Variants in MGAT4A observed in about 807,000 individuals in gnomAD.
The protein encoded by MGAT4A is N-acetylglucosaminyltransferase IVa.
In MGAT4A, 33 loss-of-function variants were observed where a neutral mutation model predicts 74.1. That is an observed-to-expected ratio of 0.45 (90% CI 0.34 to 0.60). The LOEUF is 0.60. Ranked by LOEUF, MGAT4A falls within the 20% of genes least tolerant of loss-of-function variation. The probability of loss-of-function intolerance (pLI) is 0.02; values close to 1 mark genes in which losing one functional copy is unlikely to be tolerated. For synonymous variants in MGAT4A, 198 were observed against 210.4 expected (o/e 0.94, Z 0.51); for missense variants, 479 against 628.3 (o/e 0.76, Z 2.54).
rs1296959491 is a variant in MGAT4A, at chr2:98,621,301, A to T, written c.*4265T>A. ...AGATGAATGCCTTTCCAAGCCTATG[A>T]ATGAGCTTATGGGCTGAATTCAGTT... is the stretch of plus-strand genomic sequence containing the variant. On this transcript the variant is annotated 3_prime_UTR_variant, in exon 16 of 16. Transcript: ENST00000393487. 7.3e-7 allele frequency: 1 copy of T among 1,378,586 alleles called. No individual in the cohort carries two copies. The highest frequency in any genetic ancestry group is 2.9e-5 in the Admixed American group (1 of 34,446). 85.4% of individuals were successfully genotyped at this position (1,378,586 alleles called of 1,614,324 possible).
chr2:98,699,469 T>C (rs960435472), intron 2 of MGAT4A, among the ~76,000 whole-genome samples: 1 of 152,170 alleles, frequency 6.6e-6, no homozygotes, highest in Non-Finnish European at 1.5e-5. Flanking sequence ...TTTGCCATGT[T>C]AACTCTTTTC....
At chr2:98,664,098 T>C (rs2104272584) in intron 4 of MGAT4A, among the ~76,000 whole-genome samples, 1 of 149,192 alleles carries the variant, frequency 6.7e-6, no homozygotes, top group South Asian at 2.1e-4. Flanking sequence ...TCCCAGCTAC[T>C]TGGGAGGTGG....
At chr2:98,719,172 GGTCAGA>G (rs1702631815) in intron 2 of MGAT4A, among the ~76,000 whole-genome samples, 2 of 152,050 alleles carry the variant, frequency 1.3e-5, no homozygotes, top group African/African-American at 4.8e-5. Flanking sequence ...GTCCTCCTGG[GGTCAGA>G]AAAATATCGG....
chr2:98,678,000 G>A (rs1210440329), intron 3 of MGAT4A, among the ~76,000 whole-genome samples: 3 of 150,678 alleles, frequency 2.0e-5, no homozygotes, highest in Non-Finnish European at 4.4e-5. Context: ...GGAGGCTGAG[G>A]GGGTGGATCA....
intron 4 of MGAT4A, among the ~76,000 whole-genome samples, chr2:98,674,820 C>G (rs1324173023): frequency 6.6e-6 from 1 of 152,184 alleles, no homozygotes; most frequent in East Asian, 1.9e-4. Flanking sequence ...GGGGCCTGAA[C>G]TAGATTTCAC....
chr2:98,626,200 T>C lies in MGAT4A; in HGVS notation c.1469-365A>G, dbSNP rs116766414. Reference sequence around the variant, plus strand: ...TAATCTGTACCATCACGCAGTCTGATTGCTTTGAATGTTAAGTCAATAACA... The same window carrying C: ...TAATCTGTACCATCACGCAGTCTGACTGCTTTGAATGTTAAGTCAATAACA... On this transcript the variant is annotated intron_variant, in intron 14 of 15. Coordinates refer to ENST00000393487, the MANE Select transcript of MGAT4A (RefSeq NM_012214.3). Among the ~76,000 whole-genome samples, 1,520 of 152,346 alleles carry C rather than the reference T, an allele frequency of 1.0e-2. 31 individuals carry two copies. The highest frequency in any genetic ancestry group is 0.035 in the African/African-American group (1,445 of 41,582).
chr2:98,623,698 GTAAC>G lies in MGAT4A; in HGVS notation c.*1864_*1867del. The G allele has an allele frequency of 1.0e-6, 1 of 985,360 alleles. No homozygotes were observed. Among genetic ancestry groups the G allele is most frequent in the Non-Finnish European group, 1.2e-6 (1 of 829,892 alleles). 61.0% of individuals were successfully genotyped at this position (985,360 alleles called of 1,614,324 possible). On this transcript the variant is annotated 3_prime_UTR_variant, in exon 16 of 16. Coordinates refer to ENST00000393487, the MANE Select transcript of MGAT4A (RefSeq NM_012214.3). ...GTGATTGACTTTTCAATCAAGAAAAGTAACTAAAAATTATAACAACATGGAGTGA... is the reference window on the plus strand; with the variant it reads ...GTGATTGACTTTTCAATCAAGAAAAGTAAAAATTATAACAACATGGAGTGA...
At chr2:98,640,358 C>A (rs754272554) in intron 10 of MGAT4A, 130 bp from the exon 11 acceptor site, 68 of 723,964 alleles carry the variant, frequency 9.4e-5, no homozygotes, top group Middle Eastern at 3.9e-4. Flanking sequence ...GCCTATAATC[C>A]CAGCATGTTG....
chr2:98,622,344 G>A lies in MGAT4A; in HGVS notation c.*3222C>T. 1.0e-6 allele frequency: 1 copy of A among 985,440 alleles called. No individual in the cohort carries two copies. The highest frequency in any genetic ancestry group is 4.7e-5 in the South Asian group (1 of 21,292). The allele number at this position is 985,440 out of a possible 1,614,324, so 61.0% of individuals were successfully genotyped here. On this transcript the variant is annotated 3_prime_UTR_variant, in exon 16 of 16. Transcript: ENST00000393487. ...GCCACTAGCTCCACATGGCCACTGA[G>A]TACTTGGAATGTCACTAGTGTGTGT...
intron 3 of MGAT4A, among the ~76,000 whole-genome samples, chr2:98,677,375 C>T (rs1252855306): frequency 1.3e-5 from 2 of 152,224 alleles, no homozygotes; most frequent in African/African-American, 4.8e-5. Flanking sequence ...ATTTTAATCT[C>T]ATTTTGAATA....
At chr2:98,660,418 G>GCA (rs534943882) in intron 5 of MGAT4A, among the ~76,000 whole-genome samples, 9,628 of 141,524 alleles carry the variant, frequency 0.068, 361 homozygotes, top group East Asian at 0.11. Flanking sequence ...ACACGCACGC[G>GCA]CACACACACA....
At chr2:98,681,727 G>A (rs574898688) in intron 2 of MGAT4A, among the ~76,000 whole-genome samples, 23 of 152,266 alleles carry the variant, frequency 1.5e-4, no homozygotes, top group Admixed American at 1.1e-3. Flanking sequence ...AAGCCATGGC[G>A]AGAGGATCAC....
At chr2:98,711,832 C>T (rs941396117) in intron 2 of MGAT4A, among the ~76,000 whole-genome samples, 9 of 152,098 alleles carry the variant, frequency 5.9e-5, no homozygotes, top group Non-Finnish European at 1.0e-4. Context: ...GAGATGGAGT[C>T]TTACTTTGTT....
chr2:98,692,771 G>T (rs1382719376), intron 2 of MGAT4A, among the ~76,000 whole-genome samples: 1 of 152,068 alleles, frequency 6.6e-6, no homozygotes, highest in Non-Finnish European at 1.5e-5. Context: ...GTGTGTAGTG[G>T]GCTGTACCAT....
At position 98,663,154 on chromosome 2, in the gene MGAT4A, T is replaced by C. The variant is rs1422370521; in HGVS notation, c.429A>G (p.Thr143=). The C allele has an allele frequency of 6.2e-7, 1 of 1,600,794 alleles. No homozygotes were observed. Among genetic ancestry groups the C allele is most frequent in the African/African-American group, 1.3e-5 (1 of 74,616 alleles). ...TGVSIVMGIP[T]VKREVKSYLI... is the part of the protein sequence containing the mutation. The stretch of plus-strand genomic sequence containing the variant: ...GGTAAGATTTAACTTCTCTCTTCAC[T>C]GTGGGAATGCCCATGACTATTGAAA... Residue 143 remains threonine, a synonymous_variant, in exon 5 of 16, where the codon ACA becomes ACG. Transcript: ENST00000393487.
chr2:98,723,428 G>A (rs1702711427), intron 2 of MGAT4A, among the ~76,000 whole-genome samples: 1 of 152,154 alleles, frequency 6.6e-6, no homozygotes, highest in Admixed American at 6.5e-5. Flanking sequence ...CTTATTTACA[G>A]GAGACTATAA....
intron 2 of MGAT4A, 35 bp from the exon 3 acceptor site, chr2:98,678,506 C>T (rs767742498): frequency 2.9e-6 from 4 of 1,372,234 alleles, no homozygotes; most frequent in Non-Finnish European, 2.0e-6. Flanking sequence ...TAGTATATGT[C>T]TTAAAACAAA....
Position 98,620,768 on chromosome 2 carries a change from C to T in MGAT4A, c.*4798G>A, listed in dbSNP as rs1701051054. 6.6e-6 allele frequency: 1 copy of T among 152,164 alleles called. No individual in the cohort carries two copies. The highest frequency in any genetic ancestry group is 1.5e-5 in the Non-Finnish European group (1 of 68,028). The allele number at this position is 152,164 out of a possible 1,614,324, so 9.4% of individuals were successfully genotyped here. ...CCACTGTTAATCATTCTTGAATTTA[C>T]TTCTGACAGGCTCAGAGCAGTCTAA... On this transcript the variant is annotated 3_prime_UTR_variant, in exon 16 of 16. Transcript: ENST00000393487.
At chr2:98,648,202 T>C (rs919365902) in intron 8 of MGAT4A, among the ~76,000 whole-genome samples, 2 of 152,160 alleles carry the variant, frequency 1.3e-5, no homozygotes, top group Non-Finnish European at 1.5e-5. Flanking sequence ...AATGTGATTA[T>C]TTTAAGAATG....
Sources: allele counts gnomAD v4.1 joint callset (sites outside exome capture counted in the v4.1 genomes callset), GRCh38; gene constraint gnomAD v4.1.1; transcripts MANE v1.5; gene names NCBI Gene and HGNC (gene_info 2026-07-23, HGNC 2026-07-21).